Variants in LYRM4 observed in about 807,000 individuals in gnomAD.
The protein encoded by LYRM4 is LYR motif-containing protein 4.
Under a neutral mutation model 11.7 loss-of-function variants are expected in LYRM4, and 9 were observed. The observed-to-expected ratio is 0.77, with a 90% confidence interval of 0.46 to 1.34. The LOEUF (loss-of-function observed/expected upper bound fraction) is 1.34, where lower values mean the gene tolerates loss of function less well. Among genes scored for constraint, LYRM4 ranks in the 40% most tolerant of loss-of-function variants. LYRM4 has a pLI of 0.00. For synonymous variants in LYRM4, 42 were observed against 40.4 expected (o/e 1.04, Z -0.15); for missense variants, 133 against 112.5 (o/e 1.18, Z -0.82).
At chr6:5,248,378 T>C (rs2127766074) in intron 1 of LYRM4, among the ~76,000 whole-genome samples, 1 of 152,342 alleles carries the variant, frequency 6.6e-6, no homozygotes, top group South Asian at 2.1e-4. Context: ...CTTTTCTATA[T>C]GGGGTGAGCT....
At position 5,256,490 on chromosome 6, in the gene LYRM4, G is replaced by GAAAAAAAAAAAAAAAAAAAAAA. The variant is rs777995486; in HGVS notation, c.86+4157_86+4158insTTTTTTTTTTTTTTTTTTTTTT. On this transcript the variant is annotated intron_variant, in intron 1 of 2. Coordinates refer to ENST00000330636, the MANE Select transcript of LYRM4 (RefSeq NM_020408.6). ...GGGCAACAAGGGCAAGATTTCAACT[G>GAAAAAAAAAAAAAAAAAAAAAA]GAAAAAAAAAAAAAAAAAAAAAAAA... Among the ~76,000 whole-genome samples, 29 of 37,520 alleles carry GAAAAAAAAAAAAAAAAAAAAAA rather than the reference G, an allele frequency of 7.7e-4. 10 individuals carry two copies. Among genetic ancestry groups the GAAAAAAAAAAAAAAAAAAAAAA allele is most frequent in the Admixed American group, 2.2e-3 (6 of 2,788 alleles). The allele number at this position is 37,520 out of a possible 152,430, so 24.6% of individuals were successfully genotyped here. A position where few individuals can be genotyped will look rare whatever the true frequency, so the allele number is the denominator to read the frequency against.
the LYRM4 span, among the ~76,000 whole-genome samples, chr6:5,061,346 G>A: frequency 0.12 from 17,898 of 152,136 alleles, 1,120 homozygotes; most frequent in Admixed American, 0.17. Context: ...GTTCAGTTTT[G>A]GCTGAACTGC....
the LYRM4 span, among the ~76,000 whole-genome samples, chr6:5,091,102 T>G: frequency 6.6e-6 from 1 of 152,206 alleles, no homozygotes; most frequent in Non-Finnish European, 1.5e-5. Context: ...GAAACTCAAC[T>G]GGCAACACGG....
chr6:5,232,261 C>A (rs1233940176), intron 1 of LYRM4, among the ~76,000 whole-genome samples: 1 of 152,200 alleles, frequency 6.6e-6, no homozygotes, highest in Non-Finnish European at 1.5e-5. Context: ...GCTGAAGGAA[C>A]CTGGTCATCC....
At chr6:5,066,479 A>G in the LYRM4 span, 1 of 764,886 alleles carries the variant, frequency 1.3e-6, no homozygotes, top group South Asian at 1.4e-5. Flanking sequence ...GCCCTTGAGA[A>G]GCCATAGCGG....
At chr6:5,251,991 T>C (rs1442354264) in intron 1 of LYRM4, among the ~76,000 whole-genome samples, 19 of 152,176 alleles carry the variant, frequency 1.2e-4, no homozygotes, top group African/African-American at 4.6e-4. Context: ...GAATCATTAT[T>C]TGGTTCCTTC....
intron 1 of LYRM4, among the ~76,000 whole-genome samples, chr6:5,229,933 C>G (rs1763133247): frequency 6.6e-6 from 1 of 152,190 alleles, no homozygotes; most frequent in African/African-American, 2.4e-5. Flanking sequence ...GATCTTTGAC[C>G]TATAATTTAT....
intron 2 of LYRM4, among the ~76,000 whole-genome samples, chr6:5,183,251 T>C (rs1054070324): frequency 1.3e-5 from 2 of 152,204 alleles, no homozygotes; most frequent in African/African-American, 4.8e-5. Flanking sequence ...CCACCTTTCC[T>C]ATGATGCACA....
At chr6:5,040,333 A>ATAGATAGATAGATAGATAGT in the LYRM4 span, among the ~76,000 whole-genome samples, 1 of 137,034 alleles carries the variant, frequency 7.3e-6, no homozygotes, top group African/African-American at 2.7e-5. Context: ...AGATAGATAG[A>ATAGATAGATAGATAGATAGT]TAGATAGATA....
At position 5,108,464 on chromosome 6, in the gene LYRM4, G is replaced by A. The variant is rs958187620; in HGVS notation, c.*959C>T. On this transcript the variant is annotated 3_prime_UTR_variant, in exon 3 of 3. Transcript: ENST00000330636. ...CTTTATTACCTGTAATATACTTAAAGAGCAGGGGTCCCCAGTTGGTTAAAC... is the reference window on the plus strand; with the variant it reads ...CTTTATTACCTGTAATATACTTAAAAAGCAGGGGTCCCCAGTTGGTTAAAC... 3.1e-6 allele frequency: 3 copies of A among 977,784 alleles called. No homozygotes were observed. The highest frequency in any genetic ancestry group is 1.1e-4 in the East Asian group (1 of 8,792). 60.6% of individuals were successfully genotyped at this position (977,784 alleles called of 1,614,324 possible). A position where few individuals can be genotyped will look rare whatever the true frequency, so the allele number is the denominator to read the frequency against.
the LYRM4 span, among the ~76,000 whole-genome samples, chr6:5,057,322 T>G: frequency 6.6e-6 from 1 of 152,114 alleles, no homozygotes; most frequent in Admixed American, 6.5e-5. Flanking sequence ...CTTCCCAATC[T>G]TCTTCCTTCC....
At chr6:5,216,866 T>C in intron 1 of LYRM4, 128 bp from the exon 2 acceptor site, 1 of 1,149,212 alleles carries the variant, frequency 8.7e-7, no homozygotes, top group South Asian at 1.6e-5. Flanking sequence ...TCCACTTTGA[T>C]CTTTGCTCGT....
chr6:5,156,237 C>G (rs1318216121), intron 2 of LYRM4, among the ~76,000 whole-genome samples: 2 of 152,216 alleles, frequency 1.3e-5, no homozygotes, highest in Non-Finnish European at 2.9e-5. Context: ...GCTCACAGCC[C>G]CTTTTTCTGC....
intron 2 of LYRM4, among the ~76,000 whole-genome samples, chr6:5,118,055 A>T (rs1763205495): frequency 6.7e-6 from 1 of 149,912 alleles, no homozygotes; most frequent in South Asian, 2.1e-4. Flanking sequence ...GGAAGGCCAA[A>T]AAAACCCCTT....
intron 2 of LYRM4, among the ~76,000 whole-genome samples, chr6:5,182,902 G>T (rs936971436): frequency 6.6e-6 from 1 of 152,134 alleles, no homozygotes; most frequent in Non-Finnish European, 1.5e-5. Flanking sequence ...ATGTTATAGA[G>T]AATTTTTTAT....
At chr6:5,199,200 T>C (rs972163346) in intron 2 of LYRM4, among the ~76,000 whole-genome samples, 2 of 152,264 alleles carry the variant, frequency 1.3e-5, no homozygotes, top group Non-Finnish European at 2.9e-5. Context: ...TATATCCATA[T>C]AATGGAAGAC....
chr6:5,058,325 C>T, the LYRM4 span, among the ~76,000 whole-genome samples: 7 of 152,198 alleles, frequency 4.6e-5, no homozygotes, highest in Non-Finnish European at 1.0e-4. Flanking sequence ...GCTGGCCTTC[C>T]CTGAGTGCTG....
chr6:5,229,271 A>G (rs1763090692), intron 1 of LYRM4, among the ~76,000 whole-genome samples: 1 of 152,108 alleles, frequency 6.6e-6, no homozygotes. Context: ...TCACTTTGGA[A>G]ACAGTGTGGG....
At chr6:5,231,428 A>T (rs1763235786) in intron 1 of LYRM4, among the ~76,000 whole-genome samples, 1 of 152,160 alleles carries the variant, frequency 6.6e-6, no homozygotes, top group African/African-American at 2.4e-5. Context: ...TGTTCCCTCA[A>T]TCCCTGAATA....
Sources: gnomAD v4.1 joint callset for allele counts (sites outside exome capture counted in the v4.1 genomes callset) on GRCh38, gnomAD v4.1.1 for gene constraint, MANE v1.5 for transcripts, NCBI Gene and HGNC (gene_info 2026-07-23, HGNC 2026-07-21) for gene names.